Variants in CEP85 observed in about 807,000 individuals in gnomAD.
CEP85 encodes centrosomal protein of 85 kDa.
In CEP85, 58 loss-of-function variants were observed where a neutral mutation model predicts 93.7. That is an observed-to-expected ratio of 0.62 (90% CI 0.50 to 0.77). The LOEUF (loss-of-function observed/expected upper bound fraction) is 0.77. Among genes scored for constraint, CEP85 ranks in the 30% least tolerant of loss-of-function variants. CEP85 has a pLI of 0.00. For missense variants in CEP85, 868 were observed against 922.0 expected, an observed-to-expected ratio of 0.94 and a Z score of 0.76; for synonymous variants, 314 against 338.6, an observed-to-expected ratio of 0.93 and a Z score of 0.80.
chr1:26,260,834 G>A (rs2089796335), intron 7 of CEP85, among the ~76,000 whole-genome samples: 1 of 149,348 alleles, frequency 6.7e-6, no homozygotes, highest in Admixed American at 6.7e-5. Context: ...TCTGGCATCT[G>A]GGCTGGAGTG....
chr1:26,244,402 T>C (rs1285458741), intron 3 of CEP85, 84 bp downstream of exon 3: 5 of 1,239,884 alleles, frequency 4.0e-6, no homozygotes, highest in African/African-American at 3.0e-5. Context: ...TTCCAGATTG[T>C]GTTATTTCCA....
intron 8 of CEP85, 67 bp downstream of exon 8, chr1:26,268,702 A>T (rs1472400655): frequency 7.1e-7 from 1 of 1,411,482 alleles, no homozygotes; most frequent in African/African-American, 1.4e-5. Context: ...CTTTTTCATC[A>T]TCTGCTGTAT....
rs779658026 is a variant in CEP85, at chr1:26,277,213, C to T, written c.2206C>T (p.Arg736Cys). The T allele has an allele frequency of 2.2e-5, 36 of 1,613,806 alleles. No homozygotes were observed. Among genetic ancestry groups the T allele is most frequent in the South Asian group, 4.4e-5 (4 of 91,082 alleles). ...GAAACTAGAAGAGGTTCAACAGCTG[C>T]GTCGTGACATTGAGGACTTAAGGAC... ...KRKLEEVQQLRRDIEDLRTTM... is the reference protein window; with the variant it reads ...KRKLEEVQQLCRDIEDLRTTM... The change falls in exon 14 of 14, where the codon CGT becomes TGT. Residue 736 changes from arginine to cysteine, a missense_variant. By Grantham distance (180) the Arg-to-Cys change is radical (BLOSUM62 -3). Transcript: ENST00000451429.
intron 1 of CEP85, among the ~76,000 whole-genome samples, chr1:26,234,705 A>C (rs1337799278): frequency 6.6e-6 from 1 of 152,142 alleles, no homozygotes; most frequent in Non-Finnish European, 1.5e-5. Context: ...AGAGCGCAAA[A>C]CAGAAGGCGC....
intron 6 of CEP85, among the ~76,000 whole-genome samples, chr1:26,259,025 T>TG (rs2089765988): frequency 6.6e-6 from 1 of 152,162 alleles, no homozygotes; most frequent in Non-Finnish European, 1.5e-5. Context: ...AATTTGGGCA[T>TG]TTGAATGTTG....
chr1:26,271,424 G>A (rs1370106473), intron 10 of CEP85: 2 of 226,228 alleles, frequency 8.8e-6, no homozygotes, highest in African/African-American at 4.6e-5. Flanking sequence ...GGCCCATACA[G>A]AAACCCTTGA....
intron 2 of CEP85, among the ~76,000 whole-genome samples, chr1:26,241,020 A>G (rs2089414582): frequency 6.6e-6 from 1 of 152,188 alleles, no homozygotes; most frequent in Admixed American, 6.5e-5. Flanking sequence ...TCAAATAAGT[A>G]ATATTTTAGA....
At chr1:26,257,382 A>G (rs1180574245) in intron 4 of CEP85, among the ~76,000 whole-genome samples, 3 of 152,224 alleles carry the variant, frequency 2.0e-5, no homozygotes, top group South Asian at 2.1e-4. Context: ...CTTAGAAACT[A>G]GAGCCTTTTT....
rs147590554 is a variant in CEP85, at chr1:26,262,300, C to G, written c.1341+2498C>G. ...TCCAGCCTGGCAACAGAGCAAGACT[C>G]TGTCTCAAAAAAAAACAAAATGCAA... On this transcript the variant is annotated intron_variant, in intron 7 of 13. Coordinates refer to ENST00000451429, the MANE Select transcript of CEP85 (RefSeq NM_001319944.2). Among the ~76,000 whole-genome samples the G allele has an allele frequency of 3.7e-3, 552 of 148,304 alleles. 5 individuals carry two copies. The highest frequency in any genetic ancestry group is 0.014 in the African/African-American group (540 of 39,854).
intron 2 of CEP85, among the ~76,000 whole-genome samples, chr1:26,242,784 C>T (rs1233498070): frequency 2.1e-5 from 2 of 97,422 alleles, no homozygotes; most frequent in Non-Finnish European, 4.5e-5. Context: ...TAAGTAGCTG[C>T]CATTAGTTTT....
chr1:26,266,636 T>TC (rs761139910), intron 7 of CEP85, among the ~76,000 whole-genome samples: 29 of 152,216 alleles, frequency 1.9e-4, no homozygotes, highest in Non-Finnish European at 2.9e-4. Flanking sequence ...TTTTCAGGGA[T>TC]CTTTCTTTGT....
chr1:26,256,114 C>T lies in CEP85; in HGVS notation c.903+249C>T, dbSNP rs1186084242. 2.0e-5 allele frequency among the ~76,000 whole-genome samples: 3 copies of T among 152,120 alleles called. No homozygotes were observed. In the East Asian group the frequency reaches 5.8e-4, roughly 29 times the overall value. ...AACCTAAAAACGTATTTATACGTCA[C>T]TAGGCTAAGTACTTTCACATACAGC... On this transcript the variant is annotated intron_variant, in intron 4 of 13. Transcript: ENST00000451429.
chr1:26,271,989 T>A (rs2089981381), intron 10 of CEP85, 32 bp from the exon 11 acceptor site: 1 of 1,612,410 alleles, frequency 6.2e-7, no homozygotes, highest in Non-Finnish European at 8.5e-7. Context: ...AGCCTTGTGC[T>A]CGCAGCCTTC....
intron 3 of CEP85, 128 bp downstream of exon 3, chr1:26,244,446 G>A (rs979067168): frequency 2.7e-5 from 22 of 816,426 alleles, no homozygotes; most frequent in Admixed American, 2.5e-5. Context: ...TTCATTCAAG[G>A]AGTCTCTCAT....
At chr1:26,239,185 G>T (rs1346383953) in intron 1 of CEP85, among the ~76,000 whole-genome samples, 1 of 152,104 alleles carries the variant, frequency 6.6e-6, no homozygotes, top group Non-Finnish European at 1.5e-5. Context: ...TATGGAATCT[G>T]TATTGGTAAT....
chr1:26,275,697 T>C (rs1046191317), intron 12 of CEP85, among the ~76,000 whole-genome samples: 3 of 152,188 alleles, frequency 2.0e-5, no homozygotes, highest in African/African-American at 7.2e-5. Context: ...CTTCATGCAC[T>C]AAACAGAGCT....
intron 4 of CEP85, among the ~76,000 whole-genome samples, chr1:26,256,575 G>A (rs1378007060): frequency 1.3e-5 from 2 of 149,650 alleles, no homozygotes; most frequent in Non-Finnish European, 3.0e-5. Flanking sequence ...GAGCCCCTGT[G>A]TTCTCTCTAC....
At chr1:26,260,178 C>T (rs750586259) in intron 7 of CEP85, among the ~76,000 whole-genome samples, 1 of 152,166 alleles carries the variant, frequency 6.6e-6, no homozygotes, top group Admixed American at 6.5e-5. Flanking sequence ...GTTTCTCACC[C>T]TTCCTAAAAA....
chr1:26,266,272 A>T (rs1557664585), intron 7 of CEP85, among the ~76,000 whole-genome samples: 1 of 152,160 alleles, frequency 6.6e-6, no homozygotes, highest in Non-Finnish European at 1.5e-5. Flanking sequence ...CTTGTAGTCT[A>T]AGCTACTGAG....
Sources: gnomAD v4.1 joint callset for allele counts (sites outside exome capture counted in the v4.1 genomes callset) on GRCh38, gnomAD v4.1.1 for gene constraint, MANE v1.5 for transcripts, NCBI Gene and HGNC (gene_info 2026-07-23, HGNC 2026-07-21) for gene names.